Variants in SLC49A4 observed in about 807,000 individuals in gnomAD.
SLC49A4 encodes the protein disrupted in renal cancer protein 2.
A neutral mutation model predicts 50.6 loss-of-function variants in SLC49A4; 36 were observed. The ratio of observed to expected loss-of-function variants is 0.71; its 90% CI spans 0.55 to 0.94. The LOEUF (loss-of-function observed/expected upper bound fraction) is 0.94. Among genes scored for constraint, SLC49A4 ranks in the 40% least tolerant of loss-of-function variants. SLC49A4 has a pLI of 0.00. For synonymous variants in SLC49A4, 248 were observed against 241.2 expected (o/e 1.03, Z -0.26); for missense variants, 503 against 605.7 (o/e 0.83, Z 1.78).
chr3:122,847,138 A>T (rs748913207), intron 5 of SLC49A4, among the ~76,000 whole-genome samples: 2 of 152,128 alleles, frequency 1.3e-5, no homozygotes, highest in Admixed American at 6.5e-5. Context: ...AGGAAGCCTT[A>T]CTCTAGTGTA....
intron 8 of SLC49A4, among the ~76,000 whole-genome samples, chr3:122,876,900 C>T (rs1038671663): frequency 6.6e-6 from 1 of 152,214 alleles, no homozygotes; most frequent in Admixed American, 6.5e-5. Flanking sequence ...AGCACTCCGA[C>T]TGCTGTGTAG....
chr3:122,822,931 T>C (rs1005754162), intron 2 of SLC49A4, among the ~76,000 whole-genome samples: 1 of 152,178 alleles, frequency 6.6e-6, no homozygotes, highest in Non-Finnish European at 1.5e-5. Context: ...ATATATATTG[T>C]ATCACCTTAA....
intron 2 of SLC49A4, 27 bp downstream of exon 2, chr3:122,806,977 C>T (rs1455275729): frequency 1.5e-6 from 2 of 1,356,782 alleles, no homozygotes; most frequent in Admixed American, 3.6e-5. Context: ...ACATTTCTCC[C>T]CCATTTTTCA....
intron 2 of SLC49A4, among the ~76,000 whole-genome samples, chr3:122,823,850 G>A (rs1312950581): frequency 6.6e-6 from 1 of 152,130 alleles, no homozygotes; most frequent in East Asian, 1.9e-4. Context: ...TTAATGGTAG[G>A]TGGTAGAAAA....
chr3:122,825,693 G>A (rs1936516590), intron 2 of SLC49A4, among the ~76,000 whole-genome samples: 2 of 123,972 alleles, frequency 1.6e-5, no homozygotes, highest in South Asian at 5.5e-4. Context: ...ACAAGCAGAA[G>A]AAAAAGATGA....
At chr3:122,822,285 A>G (rs1316697217) in intron 2 of SLC49A4, among the ~76,000 whole-genome samples, 1 of 152,332 alleles carries the variant, frequency 6.6e-6, no homozygotes, top group South Asian at 2.1e-4. Context: ...AGCTTCTTTC[A>G]TAAGTGCTTA....
At position 122,856,612 on chromosome 3, in the gene SLC49A4, G is replaced by T. The variant is rs187669449; in HGVS notation, c.1010+238G>T. 2.6e-4 allele frequency among the ~76,000 whole-genome samples: 39 copies of T among 152,242 alleles called. No individual in the cohort carries two copies. The East Asian group carries it at 7.3e-3, about 29-fold the overall frequency. ...GGCACTTTGGGAGGCTGAGGCAGGCGGATTACCTGAGGTCAGGAGTTCAAG... is the reference window on the plus strand; with the variant it reads ...GGCACTTTGGGAGGCTGAGGCAGGCTGATTACCTGAGGTCAGGAGTTCAAG... On this transcript the variant is annotated intron_variant, in intron 6 of 8. Coordinates refer to ENST00000261038, the MANE Select transcript of SLC49A4 (RefSeq NM_032839.3).
chr3:122,846,927 T>C (rs1283020687), intron 5 of SLC49A4, among the ~76,000 whole-genome samples: 1 of 152,226 alleles, frequency 6.6e-6, no homozygotes, highest in Admixed American at 6.5e-5. Context: ...CAGTAATCTT[T>C]GGCTGAGAAA....
At chr3:122,835,720 C>T (rs917981494) in intron 4 of SLC49A4, among the ~76,000 whole-genome samples, 1 of 152,160 alleles carries the variant, frequency 6.6e-6, no homozygotes, top group Non-Finnish European at 1.5e-5. Context: ...ACATTCACCA[C>T]TTCAGTTCGA....
rs1299635826 is a variant in SLC49A4, at chr3:122,868,016, G to A, written c.1139-4399G>A. The stretch of plus-strand genomic sequence containing the variant: ...TGTAGTCCCAGCTACTTGGGAGGCT[G>A]AGGCAGGAGAATGGCGTGAACCCAG... On this transcript the variant is annotated intron_variant, in intron 7 of 8. Transcript: ENST00000261038. 2.6e-5 allele frequency among the ~76,000 whole-genome samples: 4 copies of A among 152,098 alleles called. No individual in the cohort carries two copies. In the East Asian group the frequency reaches 7.7e-4, roughly 29 times the overall value.
At chr3:122,871,071 G>A (rs1217245671) in intron 7 of SLC49A4, among the ~76,000 whole-genome samples, 2 of 152,078 alleles carry the variant, frequency 1.3e-5, no homozygotes, top group South Asian at 2.1e-4. Context: ...ATTTATCATA[G>A]CTATCAGATG....
In SLC49A4 at chr3:122,809,512, G is replaced by T. The variant is rs560256006; in HGVS notation, c.437+2562G>T. On this transcript the variant is annotated intron_variant, in intron 2 of 8. Coordinates refer to ENST00000261038, the MANE Select transcript of SLC49A4 (RefSeq NM_032839.3). ...TGAGACAGGTGGATCTCTTGTGCCT[G>T]AAGTTTGAGACCAGCCTGGGCAACA... Among the ~76,000 whole-genome samples, 48 of 152,184 alleles carry T rather than the reference G, an allele frequency of 3.2e-4. 2 individuals are homozygous for T. Among genetic ancestry groups the T allele is most frequent in the Admixed American group, 2.7e-3 (42 of 15,294 alleles).
Position 122,860,162 on chromosome 3 carries a change from G to T in SLC49A4, c.1098G>T (p.Leu366=). 1 of 1,612,630 alleles carries T rather than the reference G, an allele frequency of 6.2e-7. No individual in the cohort carries two copies. Among genetic ancestry groups the T allele is most frequent in the South Asian group, 1.1e-5 (1 of 90,884 alleles). Residue 366 remains leucine, a synonymous_variant, in exon 7 of 9, where the codon CTG becomes CTT. Coordinates refer to ENST00000261038, the MANE Select transcript of SLC49A4 (RefSeq NM_032839.3). ...CACTGTCATCCACGTGGTTCACCCT[G>T]ACCTGTTTGAACAGCATCACACACC... The part of the protein sequence containing the change: ...GATLSSTWFT[L]TCLNSITHLP...
At chr3:122,877,606 G>A (rs571653358) in intron 8 of SLC49A4, among the ~76,000 whole-genome samples, 89 of 152,266 alleles carry the variant, frequency 5.8e-4, no homozygotes, top group Middle Eastern at 3.4e-3. Context: ...AGCAACTATC[G>A]TTGTAAACTG....
chr3:122,826,294 A>G (rs1304988430), intron 2 of SLC49A4, among the ~76,000 whole-genome samples: 1 of 152,188 alleles, frequency 6.6e-6, no homozygotes, highest in African/African-American at 2.4e-5. Context: ...GAGCTCAACT[A>G]TAAGGCTGGT....
chr3:122,859,890 A>G (rs1400214360), intron 6 of SLC49A4, among the ~76,000 whole-genome samples, 185 bp from the exon 7 acceptor site: 1 of 152,152 alleles, frequency 6.6e-6, no homozygotes, highest in Non-Finnish European at 1.5e-5. Context: ...TTTGTGTTTT[A>G]TAAGAGAAAA....
chr3:122,807,660 C>T (rs1576291261), intron 2 of SLC49A4, among the ~76,000 whole-genome samples: 1 of 151,942 alleles, frequency 6.6e-6, no homozygotes, highest in Non-Finnish European at 1.5e-5. Flanking sequence ...TTAGTGTTTC[C>T]GAGACTGGGG....
intron 7 of SLC49A4, among the ~76,000 whole-genome samples, chr3:122,860,701 C>T (rs1486266796): frequency 6.6e-6 from 1 of 152,200 alleles, no homozygotes; most frequent in Admixed American, 6.5e-5. Context: ...CTTAGCTTAT[C>T]TAATGGACCT....
At chr3:122,842,485 C>A (rs1241990218) in intron 4 of SLC49A4, among the ~76,000 whole-genome samples, 66 of 58,772 alleles carry the variant, frequency 1.1e-3, no homozygotes, top group South Asian at 0.011. Flanking sequence ...GACTCCGTCT[C>A]AAAAAAAAAA....
Sources: gnomAD v4.1 joint callset for allele counts (sites outside exome capture counted in the v4.1 genomes callset) on GRCh38, gnomAD v4.1.1 for gene constraint, MANE v1.5 for transcripts, NCBI Gene and HGNC (gene_info 2026-07-23, HGNC 2026-07-21) for gene names.